WDR45B: variants seen among roughly 807,000 people sequenced by gnomAD.
WDR45B encodes WD repeat domain phosphoinositide-interacting protein 3.
In WDR45B, 20 loss-of-function variants were observed where a neutral mutation model predicts 44.6. That is an observed-to-expected ratio of 0.45 (90% CI 0.32 to 0.65). The LOEUF is 0.65. WDR45B is among the 30% of genes least tolerant of loss of function. The pLI, the probability that WDR45B is intolerant of heterozygous loss-of-function variation, is 0.05. For synonymous variants in WDR45B, 169 were observed against 164.9 expected (o/e 1.02, Z -0.19); for missense variants, 323 against 430.2 (o/e 0.75, Z 2.20).
chr17:82,642,110 G>A (rs1029646960), intron 2 of WDR45B, among the ~76,000 whole-genome samples: 2 of 152,120 alleles, frequency 1.3e-5, no homozygotes, highest in Non-Finnish European at 2.9e-5. Context: ...CTTGTTCCGT[G>A]CTTGCCCTCA....
intron 1 of WDR45B, among the ~76,000 whole-genome samples, chr17:82,648,011 G>A (rs1405497331): frequency 7.6e-6 from 1 of 130,916 alleles, no homozygotes; most frequent in Non-Finnish European, 1.7e-5. Flanking sequence ...ACGGCCGGCT[G>A]GGAGCGGTCA....
intron 3 of WDR45B, among the ~76,000 whole-genome samples, chr17:82,627,595 C>A (rs905887676): frequency 1.3e-5 from 2 of 152,278 alleles, no homozygotes; most frequent in African/African-American, 2.4e-5. Context: ...CGGTCCTGTT[C>A]TCAGGTGACC....
chr17:82,624,655 A>G (rs368012383), intron 5 of WDR45B, among the ~76,000 whole-genome samples: 177 of 144,106 alleles, frequency 1.2e-3, no homozygotes, highest in African/African-American at 4.1e-3. Flanking sequence ...GTCTTGCTCT[A>G]TCGCCCAGGC....
chr17:82,639,123 G>A (rs999169361), intron 2 of WDR45B, among the ~76,000 whole-genome samples: 5 of 151,944 alleles, frequency 3.3e-5, no homozygotes, highest in Non-Finnish European at 5.9e-5. Context: ...GCCTGGCCAC[G>A]TATGTTCTAA....
chr17:82,625,255 G>A (rs1373870245), intron 5 of WDR45B, 134 bp downstream of exon 5: 1 of 827,216 alleles, frequency 1.2e-6, no homozygotes, highest in East Asian at 2.6e-5. Context: ...CATCTCCTCT[G>A]GAGGCCCCTC....
intron 2 of WDR45B, among the ~76,000 whole-genome samples, chr17:82,643,365 G>A (rs1363691819): frequency 6.6e-6 from 1 of 151,984 alleles, no homozygotes; most frequent in Non-Finnish European, 1.5e-5. Flanking sequence ...CCCGGGAGGC[G>A]GAGGTTGCAA....
At chr17:82,623,167 G>A (rs979410478) in intron 5 of WDR45B, among the ~76,000 whole-genome samples, 2 of 152,058 alleles carry the variant, frequency 1.3e-5, no homozygotes, top group Admixed American at 6.5e-5. Context: ...CAAGGAAGGC[G>A]GATCACCTGA....
chr17:82,643,841 T>C (rs1598281070), intron 2 of WDR45B, 108 bp downstream of exon 2: 2 of 1,073,168 alleles, frequency 1.9e-6, no homozygotes, highest in Non-Finnish European at 2.8e-6. Context: ...TGAACCCTAT[T>C]TACTTCTCGA....
At position 82,643,988 on chromosome 17, in the gene WDR45B, C is replaced by T; in HGVS notation, c.103G>A (p.Val35Ile). ...TCTTTTAGTGGATCAGTGTTATAGA[C>T]TCGGAATCCATTTTCCATCCCACAC... is the stretch of plus-strand genomic sequence containing the variant. Reference protein sequence around the residue: ...FACGMENGFRVYNTDPLKEKE... With the variant: ...FACGMENGFRIYNTDPLKEKE... Residue 35 changes from valine to isoleucine, a missense_variant, in exon 2 of 10, where the codon GTC (valine) becomes ATC (isoleucine). Transcript: ENST00000392325. 6.2e-7 allele frequency: 1 copy of T among 1,614,134 alleles called. No individual in the cohort carries two copies. The highest frequency in any genetic ancestry group is 8.5e-7 in the Non-Finnish European group (1 of 1,180,026).
intron 3 of WDR45B, among the ~76,000 whole-genome samples, chr17:82,627,742 G>A (rs2045717811): frequency 6.6e-6 from 1 of 152,268 alleles, no homozygotes. Flanking sequence ...CTCGCACACA[G>A]GCGCGCTGAG....
rs572923007 is a variant in WDR45B, at chr17:82,637,488, T to C, written c.142+6461A>G. Among the ~76,000 whole-genome samples the C allele has an allele frequency of 7.4e-4, 112 of 152,058 alleles. 1 individual carries two copies. Among genetic ancestry groups the C allele is most frequent in the African/African-American group, 2.6e-3 (108 of 41,348 alleles). ...CCTCTAACTCAGTTCTGACACCATCTACCTGGAGAGAGTATTAGATCCCAC... is the reference window on the plus strand; with the variant it reads ...CCTCTAACTCAGTTCTGACACCATCCACCTGGAGAGAGTATTAGATCCCAC... On this transcript the variant is annotated intron_variant, in intron 2 of 9. Transcript: ENST00000392325.
intron 4 of WDR45B, chr17:82,625,840 A>C (rs1428350614): frequency 2.6e-5 from 8 of 313,004 alleles, no homozygotes; most frequent in Non-Finnish European, 4.3e-5. Context: ...GAAAAGTCTG[A>C]AAGTAGAATA....
At chr17:82,630,650 G>A (rs528357065) in intron 3 of WDR45B, among the ~76,000 whole-genome samples, 1 of 152,262 alleles carries the variant, frequency 6.6e-6, no homozygotes, top group African/African-American at 2.4e-5. Context: ...TGACATTTAC[G>A]ACGTCAACCT....
intron 8 of WDR45B, 131 bp from the exon 9 acceptor site, chr17:82,616,776 T>A: frequency 8.0e-7 from 1 of 1,251,266 alleles, no homozygotes; most frequent in Non-Finnish European, 1.1e-6. Context: ...GAATTTTTTT[T>A]TTGCCATGCA....
intron 5 of WDR45B, among the ~76,000 whole-genome samples, chr17:82,622,227 C>T (rs2045628948): frequency 6.6e-6 from 1 of 152,164 alleles, no homozygotes; most frequent in Non-Finnish European, 1.5e-5. Context: ...CAAGACCTAT[C>T]CATGGACTGT....
At chr17:82,641,584 C>G (rs1332157690) in intron 2 of WDR45B, among the ~76,000 whole-genome samples, 2 of 152,142 alleles carry the variant, frequency 1.3e-5, no homozygotes, top group Non-Finnish European at 2.9e-5. Flanking sequence ...AATGCAGATA[C>G]TATGAAGCTT....
chr17:82,627,725 C>A (rs943404741), intron 3 of WDR45B, among the ~76,000 whole-genome samples: 73 of 152,396 alleles, frequency 4.8e-4, no homozygotes, highest in African/African-American at 1.7e-3. Flanking sequence ...TCAGGCGACC[C>A]ACTGGCCTCG....
In WDR45B at chr17:82,648,257, G is replaced by A. The variant is rs2143405034; in HGVS notation, c.67+17C>T. Reference sequence around the variant, plus strand: ...GAAGGCCCGGCCGGGCAAGGCGACAGGGCCGCGCCTCCTCACCGTGGTCCT... The same window carrying A: ...GAAGGCCCGGCCGGGCAAGGCGACAAGGCCGCGCCTCCTCACCGTGGTCCT... On this transcript the variant is annotated intron_variant, in intron 1 of 9. Coordinates refer to ENST00000392325, the MANE Select transcript of WDR45B (RefSeq NM_019613.4). 1.2e-6 allele frequency: 2 copies of A among 1,601,860 alleles called. No individual in the cohort carries two copies. The highest frequency in any genetic ancestry group is 2.3e-5 in the East Asian group (1 of 43,906).
chr17:82,621,620 C>T lies in WDR45B; in HGVS notation c.607G>A (p.Ala203Thr), dbSNP rs1313098504. 6 of 1,614,092 alleles carry T rather than the reference C, an allele frequency of 3.7e-6. No individual in the cohort carries two copies. Among genetic ancestry groups the T allele is most frequent in the Non-Finnish European group, 3.4e-6 (4 of 1,180,040 alleles). The change falls in exon 6 of 10, where the codon GCA becomes ACA. Residue 203 changes from alanine to threonine, a missense_variant. Physicochemically the swap from Ala to Thr is moderately conservative, Grantham distance 58 (BLOSUM62 0). Coordinates refer to ENST00000392325, the MANE Select transcript of WDR45B (RefSeq NM_019613.4). Reference protein sequence around the residue: ...LNLQGTRIATASEKGTLIRIF... With the variant: ...LNLQGTRIATTSEKGTLIRIF... Reference sequence around the variant, plus strand: ...AGTGGCACACTTACTTTCTCGGATGCAGTTGCAATTCTTGTTCCCTGCAGG... The same window carrying T: ...AGTGGCACACTTACTTTCTCGGATGTAGTTGCAATTCTTGTTCCCTGCAGG...
Sources: allele counts gnomAD v4.1 joint callset (sites outside exome capture counted in the v4.1 genomes callset), GRCh38; gene constraint gnomAD v4.1.1; transcripts MANE v1.5; gene names NCBI Gene and HGNC (gene_info 2026-07-23, HGNC 2026-07-21).